Variants in PIR observed in about 807,000 individuals in gnomAD.
PIR encodes pirin (iron-binding nuclear protein).
In PIR, 22 loss-of-function variants were observed where a neutral mutation model predicts 24.2. That is an observed-to-expected ratio of 0.91 (90% CI 0.65 to 1.30). The LOEUF is 1.30. Among genes scored for constraint, PIR ranks in the 50% most tolerant of loss-of-function variants. The pLI, the probability that PIR is intolerant of heterozygous loss-of-function variation, is 0.00. For synonymous variants in PIR, 80 were observed against 79.6 expected, an observed-to-expected ratio of 1.00 and a Z score of -0.03; for missense variants, 220 against 220.3, an observed-to-expected ratio of 1.00 and a Z score of 0.01.
At chrX:15,420,608 C>G (rs981345532) in intron 6 of PIR, among the ~76,000 whole-genome samples, 4 of 111,845 alleles carry the variant, frequency 3.6e-5, no homozygotes, top group Non-Finnish European at 7.5e-5. Context: ...GCACTAGGAA[C>G]AAAGTGAATT....
intron 6 of PIR, among the ~76,000 whole-genome samples, chrX:15,413,879 C>A (rs1924827946): frequency 8.9e-6 from 1 of 111,747 alleles, no homozygotes; most frequent in Non-Finnish European, 1.9e-5. Flanking sequence ...AGAGCCATCC[C>A]TCAGGATCCC....
At chrX:15,442,229 T>C (rs1403787931) in intron 5 of PIR, among the ~76,000 whole-genome samples, 1 of 111,234 alleles carries the variant, frequency 9.0e-6, no homozygotes, top group Non-Finnish European at 1.9e-5. Context: ...TATCACTATA[T>C]CTATTATCTG....
intron 6 of PIR, among the ~76,000 whole-genome samples, chrX:15,422,449 T>C (rs1469140847): frequency 9.1e-6 from 1 of 110,229 alleles, no homozygotes; most frequent in African/African-American, 3.3e-5. Flanking sequence ...AAAAAACCTA[T>C]TAAGACTAAT....
intron 8 of PIR, among the ~76,000 whole-genome samples, chrX:15,394,811 C>A (rs1295648807): frequency 8.9e-6 from 1 of 111,825 alleles, no homozygotes; most frequent in Admixed American, 9.5e-5. Flanking sequence ...TGAAAAAGTT[C>A]TAAGATGGAA....
In PIR at chrX:15,469,858, C is replaced by G. The variant is rs766827034; in HGVS notation, c.189+9871G>C. On this transcript the variant is annotated intron_variant, in intron 3 of 9. Coordinates refer to ENST00000380420, the MANE Select transcript of PIR (RefSeq NM_001018109.3). ...TGGAAGTTCAGAGGACAAGTGAGAGCACTATTTTGGACTTACAGATAGGAA... is the reference window on the plus strand; with the variant it reads ...TGGAAGTTCAGAGGACAAGTGAGAGGACTATTTTGGACTTACAGATAGGAA... Among the ~76,000 whole-genome samples, 10 of 111,247 alleles carry G rather than the reference C, an allele frequency of 9.0e-5. No individual in the cohort carries two copies. The South Asian group carries it at 3.8e-3, about 43-fold the overall frequency.
chrX:15,464,494 T>C (rs1241478267), intron 3 of PIR: 2 of 667,511 alleles, frequency 3.0e-6, no homozygotes, highest in Non-Finnish European at 3.6e-6. Flanking sequence ...GAACTGGGGC[T>C]GGATAGAAAG....
In PIR at chrX:15,425,942, C is replaced by A. The variant is rs1430906408; in HGVS notation, c.529G>T (p.Asp177Tyr). 8.3e-7 allele frequency: 1 copy of A among 1,198,831 alleles called. No homozygotes were observed. The highest frequency in any genetic ancestry group is 1.7e-5 in the African/African-American group (1 of 57,365). Reference protein sequence around the residue: ...TPTLYLDFKLDPGAKHSQPIP... With the variant: ...TPTLYLDFKLYPGAKHSQPIP... ...GGTTGGGAATGTTTGGCTCCTGGGT[C>A]CAATTTGAAGTCCAAATATAAGGTT... is the stretch of plus-strand genomic sequence containing the variant. The change falls in exon 6 of 10, where the codon GAC becomes TAC. Residue 177 changes from aspartate to tyrosine, a missense_variant. Coordinates refer to ENST00000380420, the MANE Select transcript of PIR (RefSeq NM_001018109.3).
intron 5 of PIR, among the ~76,000 whole-genome samples, chrX:15,435,168 A>G (rs1925711404): frequency 9.0e-6 from 1 of 110,663 alleles, no homozygotes; most frequent in Admixed American, 9.6e-5. Context: ...CTGACATTGC[A>G]TCACTGCATT....
chrX:15,433,628 A>AAAGGAGAAAGAAGGAGGAAGAAGAGG (rs1245695112), intron 5 of PIR, among the ~76,000 whole-genome samples: 1 of 81,775 alleles, frequency 1.2e-5, no homozygotes, highest in Non-Finnish European at 2.5e-5. Flanking sequence ...GAAGGAGGAG[A>AAAGGAGAAAGAAGGAGGAAGAAGAGG]AAGGAGAAAG....
intron 8 of PIR, among the ~76,000 whole-genome samples, chrX:15,393,163 T>C (rs1924014100): frequency 8.9e-6 from 1 of 112,336 alleles, no homozygotes; most frequent in Non-Finnish European, 1.9e-5. Context: ...TGGCACCATG[T>C]CTTTTGCTTT....
intron 6 of PIR, among the ~76,000 whole-genome samples, chrX:15,412,094 G>A (rs1243141250): frequency 8.9e-6 from 1 of 111,982 alleles, no homozygotes; most frequent in Non-Finnish European, 1.9e-5. Context: ...TGGAAATTAT[G>A]AAATTAACAT....
At chrX:15,456,835 T>C (rs781735130) in intron 4 of PIR, among the ~76,000 whole-genome samples, 6 of 112,703 alleles carry the variant, frequency 5.3e-5, no homozygotes, top group East Asian at 5.6e-4. Flanking sequence ...TCCACTGTTA[T>C]GCAGATTCTT....
intron 6 of PIR, among the ~76,000 whole-genome samples, chrX:15,409,755 G>T (rs916683834): frequency 9.0e-6 from 1 of 111,097 alleles, no homozygotes; most frequent in African/African-American, 3.3e-5. Flanking sequence ...CTTTTTCAGA[G>T]CACCAATAGC....
intron 7 of PIR, among the ~76,000 whole-genome samples, chrX:15,403,237 G>A (rs1349195701): frequency 8.9e-6 from 1 of 112,005 alleles, no homozygotes; most frequent in East Asian, 2.8e-4. Flanking sequence ...AGAAGTTTGT[G>A]CTCAAAACGT....
chrX:15,399,411 T>C (rs1353063174), intron 7 of PIR, among the ~76,000 whole-genome samples: 1 of 112,479 alleles, frequency 8.9e-6, no homozygotes. Flanking sequence ...GCAGGGTTCA[T>C]TCTGATGCTT....
chrX:15,443,479 T>C (rs1385695393), intron 5 of PIR, among the ~76,000 whole-genome samples: 1 of 111,420 alleles, frequency 9.0e-6, no homozygotes, highest in African/African-American at 3.3e-5. Flanking sequence ...TCAAAATTAC[T>C]CTTTATTATA....
In PIR at chrX:15,425,878, GACT is replaced by G. The variant is rs200390589; in HGVS notation, c.565+25_565+27del. 1.9e-3 allele frequency: 1,624 copies of G among 857,197 alleles called. 38 individuals carry two copies. In the East Asian group the frequency reaches 0.044, roughly 23 times the overall value. The allele number at this position is 857,197 out of a possible 1,213,427, so 70.6% of individuals were successfully genotyped here. A position where few individuals can be genotyped will look rare whatever the true frequency, so the allele number is the denominator to read the frequency against. On this transcript the variant is annotated intron_variant, in intron 6 of 9. Transcript: ENST00000380420. Reference sequence around the variant, plus strand: ...TCTTTTCTTTTTTTTTTCCTGACGTGACTACTAAACCCCAGAACCCATCATACC... The same window carrying G: ...TCTTTTCTTTTTTTTTTCCTGACGTGACTAAACCCCAGAACCCATCATACC...
At chrX:15,425,474 C>A (rs1488258187) in intron 6 of PIR, among the ~76,000 whole-genome samples, 1 of 99,883 alleles carries the variant, frequency 1.0e-5, no homozygotes, top group Non-Finnish European at 2.0e-5. Flanking sequence ...TGCAGTGGTG[C>A]GATCTCGGCT....
At chrX:15,447,622 A>T (rs1481223543) in intron 5 of PIR, among the ~76,000 whole-genome samples, 1 of 112,229 alleles carries the variant, frequency 8.9e-6, no homozygotes, top group Non-Finnish European at 1.9e-5. Context: ...CCGGCTGCTG[A>T]TACCAGTTTT....
Sources: gnomAD v4.1 joint callset for allele counts (sites outside exome capture counted in the v4.1 genomes callset) on GRCh38, gnomAD v4.1.1 for gene constraint, MANE v1.5 for transcripts, NCBI Gene and HGNC (gene_info 2026-07-23, HGNC 2026-07-21) for gene names.